RHBDD1: variants seen among roughly 807,000 people sequenced by gnomAD.
RHBDD1 encodes rhomboid domain containing 1.
Under a neutral mutation model 36.3 loss-of-function variants are expected in RHBDD1, and 38 were observed. The ratio of observed to expected loss-of-function variants is 1.05; its 90% confidence interval spans 0.81 to 1.37. RHBDD1 has a LOEUF of 1.37. RHBDD1 is among the 40% of genes most tolerant of loss of function. The pLI is 0.00. For synonymous variants in RHBDD1, 151 were observed against 136.5 expected, an observed-to-expected ratio of 1.11 and a Z score of -0.74; for missense variants, 393 against 377.6, an observed-to-expected ratio of 1.04 and a Z score of -0.34.
intron 8 of RHBDD1, among the ~76,000 whole-genome samples, chr2:226,985,032 T>G (rs191586320): frequency 8.8e-4 from 134 of 152,250 alleles, no homozygotes; most frequent in Non-Finnish European, 1.5e-3. Flanking sequence ...ACCACCTGAT[T>G]AGGCCTAACA....
chr2:226,825,595 T>C, the RHBDD1 span, among the ~76,000 whole-genome samples: 85 of 152,316 alleles, frequency 5.6e-4, no homozygotes, highest in African/African-American at 2.0e-3. Context: ...AGACAGTAAA[T>C]GGCTATTTTC....
At chr2:226,907,877 C>G (rs923075314) in intron 6 of RHBDD1, among the ~76,000 whole-genome samples, 2 of 152,044 alleles carry the variant, frequency 1.3e-5, no homozygotes, top group Non-Finnish European at 2.9e-5. Flanking sequence ...ATTGTATTTT[C>G]AATACAATTT....
At chr2:226,952,677 T>C (rs1261321649) in intron 8 of RHBDD1, among the ~76,000 whole-genome samples, 1 of 152,160 alleles carries the variant, frequency 6.6e-6, no homozygotes, top group Non-Finnish European at 1.5e-5. Context: ...TAAAAATATA[T>C]AGAAAACCTA....
the RHBDD1 span, among the ~76,000 whole-genome samples, chr2:226,817,877 C>T: frequency 6.6e-5 from 10 of 152,298 alleles, no homozygotes; most frequent in East Asian, 1.9e-3. Flanking sequence ...CAGTGAATTC[C>T]GCAGTCAGTG....
intron 8 of RHBDD1, among the ~76,000 whole-genome samples, chr2:226,926,899 T>C (rs900155202): frequency 2.0e-4 from 31 of 152,208 alleles, no homozygotes; most frequent in African/African-American, 7.2e-4. Context: ...TATGCACTTC[T>C]GTATAAAAAC....
At chr2:226,906,494 G>A (rs372909076) in intron 5 of RHBDD1, among the ~76,000 whole-genome samples, 3 of 152,178 alleles carry the variant, frequency 2.0e-5, no homozygotes, top group African/African-American at 2.4e-5. Flanking sequence ...AACGGAAAGC[G>A]ATGTAATGAC....
the RHBDD1 span, among the ~76,000 whole-genome samples, chr2:226,820,473 A>C: frequency 6.6e-6 from 1 of 151,908 alleles, no homozygotes; most frequent in Non-Finnish European, 1.5e-5. Flanking sequence ...TCAGGTAAAC[A>C]CTCCAAAGAA....
At chr2:226,898,468 C>T (rs901931782) in intron 5 of RHBDD1, among the ~76,000 whole-genome samples, 1 of 152,046 alleles carries the variant, frequency 6.6e-6, no homozygotes, top group African/African-American at 2.4e-5. Context: ...GTAGAGGGTG[C>T]GTTGTCAGTA....
chr2:226,881,022 A>G (rs1945681224), intron 5 of RHBDD1, among the ~76,000 whole-genome samples: 3 of 152,194 alleles, frequency 2.0e-5, no homozygotes, highest in Non-Finnish European at 4.4e-5. Flanking sequence ...TGATCGGCTC[A>G]CCATTCCACA....
chr2:226,846,747 C>CAAA (rs11366796), intron 3 of RHBDD1, among the ~76,000 whole-genome samples: 1 of 70,098 alleles, frequency 1.4e-5, no homozygotes, highest in Non-Finnish European at 3.4e-5. Flanking sequence ...AATGCCATCT[C>CAAA]AAAAAAAAAA....
At chr2:226,826,111 CT>C in the RHBDD1 span, among the ~76,000 whole-genome samples, 12 of 152,150 alleles carry the variant, frequency 7.9e-5, no homozygotes, top group South Asian at 2.5e-3. Context: ...GGAGATCTGG[CT>C]TATTTATCTA....
intron 5 of RHBDD1, among the ~76,000 whole-genome samples, chr2:226,887,317 G>A (rs1196443472): frequency 6.6e-6 from 1 of 152,070 alleles, no homozygotes; most frequent in Non-Finnish European, 1.5e-5. Context: ...TGTTCTAATT[G>A]CATCTGTAGT....
chr2:226,877,938 T>A (rs972481295), intron 5 of RHBDD1, among the ~76,000 whole-genome samples: 1 of 152,170 alleles, frequency 6.6e-6, no homozygotes, highest in Non-Finnish European at 1.5e-5. Context: ...GTCTTCTTGC[T>A]TTTGTGCCAT....
At chr2:226,978,514 C>T (rs1366986336) in intron 8 of RHBDD1, among the ~76,000 whole-genome samples, 1 of 152,198 alleles carries the variant, frequency 6.6e-6, no homozygotes, top group Non-Finnish European at 1.5e-5. Context: ...TACGTCGAGC[C>T]TCAGTCTTTA....
intron 8 of RHBDD1, among the ~76,000 whole-genome samples, chr2:226,948,748 T>C (rs1303281437): frequency 1.3e-5 from 2 of 152,066 alleles, no homozygotes; most frequent in Non-Finnish European, 2.9e-5. Flanking sequence ...AAGGTTGCCC[T>C]CTCTCACCAC....
intron 3 of RHBDD1, among the ~76,000 whole-genome samples, chr2:226,852,633 G>A (rs886640484): frequency 5.9e-5 from 9 of 152,242 alleles, no homozygotes; most frequent in African/African-American, 2.2e-4. Context: ...ATAAATTTCT[G>A]TTGTTTGTAA....
At chr2:226,993,807 T>C (rs1286142636) in intron 8 of RHBDD1, among the ~76,000 whole-genome samples, 1 of 152,244 alleles carries the variant, frequency 6.6e-6, no homozygotes, top group Non-Finnish European at 1.5e-5. Context: ...AGCTGTGGAT[T>C]GAAAAGACGG....
chr2:226,826,063 T>C, the RHBDD1 span, among the ~76,000 whole-genome samples: 1 of 152,152 alleles, frequency 6.6e-6, no homozygotes, highest in Non-Finnish European at 1.5e-5. Context: ...TGATAAAATT[T>C]TAAAATCTAA....
At chr2:226,874,057 T>C (rs796473449) in intron 5 of RHBDD1, among the ~76,000 whole-genome samples, 7 of 152,194 alleles carry the variant, frequency 4.6e-5, no homozygotes, top group African/African-American at 1.7e-4. Flanking sequence ...CAGACACTTA[T>C]CAAACAACCA....
Sources: gnomAD v4.1 joint callset for allele counts (sites outside exome capture counted in the v4.1 genomes callset) on GRCh38, gnomAD v4.1.1 for gene constraint, MANE v1.5 for transcripts, NCBI Gene and HGNC (gene_info 2026-07-23, HGNC 2026-07-21) for gene names.